LAMC1: variants seen among roughly 807,000 people sequenced by gnomAD.
LAMC1 encodes laminin subunit gamma-1.
LAMC1 carries 38 observed loss-of-function variants against 173.6 expected under a neutral mutation model. That is an observed-to-expected ratio of 0.22 (90% CI 0.17 to 0.29). LAMC1 has a LOEUF of 0.29. Ranked by LOEUF, LAMC1 falls within the 10% of genes least tolerant of loss-of-function variation. LAMC1 has a pLI of 1.00. For missense variants in LAMC1, 1,824 were observed against 2,051.8 expected, an observed-to-expected ratio of 0.89 and a Z score of 2.14; for synonymous variants, 746 against 749.1, an observed-to-expected ratio of 1.00 and a Z score of 0.07.
At chr1:183,123,719 A>G (rs1002647699) in intron 13 of LAMC1, among the ~76,000 whole-genome samples, 1 of 152,106 alleles carries the variant, frequency 6.6e-6, no homozygotes, top group Non-Finnish European at 1.5e-5. Context: ...GTTTATTTGT[A>G]TGTCTGTGTA....
chr1:183,129,607 A>T (rs749889386), intron 18 of LAMC1, among the ~76,000 whole-genome samples: 14 of 150,772 alleles, frequency 9.3e-5, no homozygotes, highest in Non-Finnish European at 1.5e-4. Context: ...AGACCCCAAC[A>T]CCGAGCATGA....
At chr1:183,056,155 T>C (rs1654589347) in intron 1 of LAMC1, among the ~76,000 whole-genome samples, 1 of 152,240 alleles carries the variant, frequency 6.6e-6, no homozygotes, top group Admixed American at 6.5e-5. Context: ...GGCAGATGGA[T>C]CTCAGGCCAG....
Position 183,143,109 on chromosome 1 carries a change from G to A in LAMC1, c.*319G>A, listed in dbSNP as rs1657162130. The A allele has an allele frequency of 4.3e-6, 1 of 231,268 alleles. No homozygotes were observed. The highest frequency in any genetic ancestry group is 7.7e-5 in the South Asian group (1 of 13,006). 14.3% of individuals were successfully genotyped at this position (231,268 alleles called of 1,614,324 possible). On this transcript the variant is annotated 3_prime_UTR_variant, in exon 28 of 28. Coordinates refer to ENST00000258341, the MANE Select transcript of LAMC1 (RefSeq NM_002293.4). The stretch of plus-strand genomic sequence containing the variant: ...GCATAAGCACATCGTGTGAGCCCAT[G>A]TATGCTGGGGTAGAGCAAGTAGCCC...
Position 183,130,503 on chromosome 1 carries a change from T to A in LAMC1, c.3440T>A (p.Ile1147Asn). Residue 1147 changes from isoleucine (I) to asparagine (N), a missense_variant, in exon 19 of 28, where the codon ATC (isoleucine) becomes AAC (asparagine). By Grantham distance (149) the Ile-to-Asn change is moderately radical. Coordinates refer to ENST00000258341, the MANE Select transcript of LAMC1 (RefSeq NM_002293.4). ...HVENTERLIE[I>N]ASRELEKAKV... is the part of the protein sequence containing the mutation. ...GAGAACACAGAGCGGTTGATTGAAA[T>A]CGCATCCAGAGAACTTGAGAAAGCA... The A allele has an allele frequency of 6.2e-7, 1 of 1,614,164 alleles. No individual in the cohort carries two copies. The highest frequency in any genetic ancestry group is 8.5e-7 in the Non-Finnish European group (1 of 1,180,042).
At chr1:183,078,777 G>A (rs896966451) in intron 1 of LAMC1, among the ~76,000 whole-genome samples, 3 of 152,050 alleles carry the variant, frequency 2.0e-5, no homozygotes, top group Non-Finnish European at 2.9e-5. Flanking sequence ...TTGGGAGGCC[G>A]AGGCAGGCGG....
intron 1 of LAMC1, among the ~76,000 whole-genome samples, chr1:183,051,334 A>T (rs888204437): frequency 2.0e-5 from 3 of 152,186 alleles, no homozygotes; most frequent in Non-Finnish European, 4.4e-5. Context: ...ACCATATTTG[A>T]CAGGACATGA....
chr1:183,055,073 C>G (rs558477723), intron 1 of LAMC1, among the ~76,000 whole-genome samples: 2 of 151,472 alleles, frequency 1.3e-5, no homozygotes, highest in Admixed American at 6.6e-5. Context: ...ACTGCAACCT[C>G]CACCTCCCGG....
intron 1 of LAMC1, among the ~76,000 whole-genome samples, chr1:183,096,785 G>T (rs1275282477): frequency 6.8e-6 from 1 of 148,144 alleles, no homozygotes; most frequent in African/African-American, 2.4e-5. Context: ...ACAAGGGGGA[G>T]GCCATGAAAA....
At chr1:183,077,776 G>GTGTGTGTGTATATATATA in intron 1 of LAMC1, among the ~76,000 whole-genome samples, 1,478 of 116,520 alleles carry the variant, frequency 0.013, 110 homozygotes, top group Middle Eastern at 0.028. Flanking sequence ...TGGCCATTGT[G>GTGTGTGTGTATATATATA]TATATATATA....
rs200851426 is a variant in LAMC1, at chr1:183,024,024, C to T, written c.308C>T (p.Ala103Val). The part of the protein sequence containing the change: ...DAGQPHLQHG[A>V]AFLTDYNNQA... ...GGGCAGCCCCACCTGCAGCACGGGG[C>T]AGCCTTCCTGACCGACTACAACAAC... Residue 103 changes from alanine (A) to valine (V), a missense_variant, in exon 1 of 28, where the codon GCA becomes GTA. By Grantham distance (64) the Ala-to-Val change is moderately conservative. Coordinates refer to ENST00000258341, the MANE Select transcript of LAMC1 (RefSeq NM_002293.4). 266 of 1,612,964 alleles carry T rather than the reference C, an allele frequency of 1.6e-4. No individual in the cohort carries two copies. Among genetic ancestry groups the T allele is most frequent in the Non-Finnish European group, 2.2e-4 (258 of 1,179,842 alleles).
intron 27 of LAMC1, among the ~76,000 whole-genome samples, chr1:183,141,566 A>G (rs1344798557): frequency 1.3e-5 from 2 of 152,240 alleles, no homozygotes; most frequent in East Asian, 3.8e-4. Context: ...TCAACACTCT[A>G]GCCAGGACTC....
intron 13 of LAMC1, 69 bp downstream of exon 13, chr1:183,122,320 G>A (rs946739443): frequency 1.7e-5 from 25 of 1,462,016 alleles, no homozygotes; most frequent in Admixed American, 9.3e-5. Context: ...AAGGGGCTTC[G>A]GAGTTGTTTT....
intron 1 of LAMC1, among the ~76,000 whole-genome samples, chr1:183,086,018 A>G (rs951234360): frequency 4.6e-5 from 7 of 152,214 alleles, no homozygotes; most frequent in Non-Finnish European, 1.5e-5. Flanking sequence ...GGAGCCCTTG[A>G]AGGGCACTAA....
At chr1:183,093,157 A>AAGAAAAATT (rs1381232312) in intron 1 of LAMC1, among the ~76,000 whole-genome samples, 3 of 152,244 alleles carry the variant, frequency 2.0e-5, no homozygotes, top group Admixed American at 2.0e-4. Flanking sequence ...AACAGAAAAT[A>AAGAAAAATT]AGAAAAATTA....
Position 183,128,755 on chromosome 1 carries a change from G to C in LAMC1, c.3280+5G>C. On this transcript the variant is annotated splice_donor_5th_base_variant and intron_variant, in intron 18 of 27. Coordinates refer to ENST00000258341, the MANE Select transcript of LAMC1 (RefSeq NM_002293.4). ...GTGAGGCCCAGGATGTCAAAGGTAC[G>C]CATGATTGAACAGTGCATGACTTCT... is the stretch of plus-strand genomic sequence containing the variant. 6.2e-7 allele frequency: 1 copy of C among 1,611,558 alleles called. No homozygotes were observed. Among genetic ancestry groups the C allele is most frequent in the Admixed American group, 1.7e-5 (1 of 59,976 alleles).
chr1:183,141,942 C>G (rs967712793), intron 27 of LAMC1, among the ~76,000 whole-genome samples: 3 of 152,188 alleles, frequency 2.0e-5, no homozygotes, highest in African/African-American at 7.2e-5. Flanking sequence ...GGAAACATCT[C>G]ATTTCTTTCA....
chr1:183,046,308 A>G (rs1022195937), intron 1 of LAMC1, among the ~76,000 whole-genome samples: 2 of 152,028 alleles, frequency 1.3e-5, no homozygotes, highest in East Asian at 1.9e-4. Context: ...TATCTTAGCT[A>G]TGTTTAGGCC....
chr1:183,077,929 G>A (rs1364319152), intron 1 of LAMC1, among the ~76,000 whole-genome samples: 1 of 151,276 alleles, frequency 6.6e-6, no homozygotes, highest in Non-Finnish European at 1.5e-5. Flanking sequence ...ATGTGTTTGG[G>A]GCAATAAGTT....
intron 1 of LAMC1, among the ~76,000 whole-genome samples, chr1:183,057,620 G>A (rs1166943454): frequency 6.6e-6 from 1 of 152,122 alleles, no homozygotes; most frequent in Non-Finnish European, 1.5e-5. Context: ...AATTAGCCGG[G>A]CATGATGGTG....
Sources: allele counts gnomAD v4.1 joint callset (sites outside exome capture counted in the v4.1 genomes callset), GRCh38; gene constraint gnomAD v4.1.1; transcripts MANE v1.5; gene names NCBI Gene and HGNC (gene_info 2026-07-23, HGNC 2026-07-21).